The following SPG7 variants were observed in gnomAD, a reference collection of about 807,000 sequenced individuals.
SPG7 encodes mitochondrial inner membrane m-AAA protease component paraplegin.
In SPG7, 103 loss-of-function variants were observed where a neutral mutation model predicts 81.9. The observed-to-expected ratio is 1.26, with a 90% CI of 1.07 to 1.48. The LOEUF is 1.48. Ranked by LOEUF, SPG7 falls within the 40% of genes most tolerant of loss-of-function variation. The probability of loss-of-function intolerance (pLI) is 0.00; values close to 1 mark genes in which losing one functional copy is unlikely to be tolerated. For synonymous variants in SPG7, 534 were observed against 444.2 expected, an observed-to-expected ratio of 1.20 and a Z score of -2.54; for missense variants, 1,241 against 1,087.3, an observed-to-expected ratio of 1.14 and a Z score of -1.99.
rs2058700063 is a variant in SPG7, at chr16:89,557,537, T to A, written c.*444T>A. 1 of 211,686 alleles carries A rather than the reference T, an allele frequency of 4.7e-6. No homozygotes were observed. The highest frequency in any genetic ancestry group is 9.8e-6 in the Non-Finnish European group (1 of 102,352). The allele number at this position is 211,686 out of a possible 1,614,324, so 13.1% of individuals were successfully genotyped here. ...ATGAAAGGACCCTGTGAGCCGATTG[T>A]CCTATCTCCAGCGGCCCTGTCATCC... On this transcript the variant is annotated 3_prime_UTR_variant, in exon 17 of 17. Transcript: ENST00000645818.
intron 9 of SPG7, among the ~76,000 whole-genome samples, chr16:89,542,623 G>A (rs2058509692): frequency 6.6e-6 from 1 of 152,158 alleles, no homozygotes; most frequent in Non-Finnish European, 1.5e-5. Flanking sequence ...GGTGTGTCTT[G>A]GACTGAGCTG....
At chr16:89,532,432 C>G in intron 8 of SPG7, 31 bp from the exon 9 acceptor site, 2 of 1,612,452 alleles carry the variant, frequency 1.2e-6, no homozygotes, top group Admixed American at 1.7e-5. Flanking sequence ...TATTAACTGC[C>G]CATTTCCTGA....
intron 13 of SPG7, chr16:89,551,484 TC>T (rs1210926390): frequency 2.6e-5 from 4 of 152,816 alleles, no homozygotes; most frequent in African/African-American, 9.7e-5. Flanking sequence ...TCCGTGCTGC[TC>T]CTTGGCGATG....
At chr16:89,544,824 G>T (rs765441231) in intron 10 of SPG7, 52 bp downstream of exon 10, 3 of 1,604,400 alleles carry the variant, frequency 1.9e-6, no homozygotes, top group Non-Finnish European at 1.7e-6. Context: ...GCCCCCACTC[G>T]CTCTGAGTGG....
chr16:89,540,929 G>A (rs1461386430), intron 9 of SPG7: 1 of 985,364 alleles, frequency 1.0e-6, no homozygotes, highest in Admixed American at 6.1e-5. Flanking sequence ...TGAAACTGGT[G>A]TATCCTTATC....
At chr16:89,534,283 T>C (rs1377405055) in intron 9 of SPG7, among the ~76,000 whole-genome samples, 6 of 152,176 alleles carry the variant, frequency 3.9e-5, no homozygotes, top group Non-Finnish European at 7.4e-5. Flanking sequence ...CCGCCTTCTT[T>C]CAAGCACATA....
At chr16:89,556,849 C>A in intron 16 of SPG7, 38 bp from the exon 17 acceptor site, 1 of 1,504,860 alleles carries the variant, frequency 6.6e-7, no homozygotes, top group Non-Finnish European at 9.2e-7. Flanking sequence ...CTCTGTCTGC[C>A]CTGGGGACTC....
At chr16:89,550,259 G>A (rs901450510) in intron 12 of SPG7, 10 of 466,516 alleles carry the variant, frequency 2.1e-5, no homozygotes, top group African/African-American at 4.0e-5. Context: ...TGTAACCTCC[G>A]TCTCTCAGGT....
chr16:89,513,876 A>G (rs1388613792), intron 3 of SPG7, among the ~76,000 whole-genome samples: 1 of 152,226 alleles, frequency 6.6e-6, no homozygotes, highest in Non-Finnish European at 1.5e-5. Context: ...TTTTCAGGAA[A>G]GCTTTCAGGA....
intron 9 of SPG7, chr16:89,538,996 G>T (rs115074183): frequency 0.024 from 3,705 of 152,380 alleles, 154 homozygotes; most frequent in African/African-American, 0.085. Flanking sequence ...CAGGAGCTAA[G>T]GGGTGGGAGC....
chr16:89,524,793 A>C (rs1003574009), intron 4 of SPG7, among the ~76,000 whole-genome samples: 21 of 151,982 alleles, frequency 1.4e-4, no homozygotes, highest in Non-Finnish European at 2.1e-4. Context: ...ATGTGCTTGG[A>C]GCAATTTAAC....
intron 3 of SPG7, among the ~76,000 whole-genome samples, chr16:89,515,086 G>A (rs2058077941): frequency 6.7e-6 from 1 of 149,786 alleles, no homozygotes; most frequent in African/African-American, 2.5e-5. Context: ...ACAGGTGCCC[G>A]CCACCATACC....
Position 89,530,983 on chromosome 16 carries a change from C to T in SPG7, c.987+175C>T, listed in dbSNP as rs1343062828. On this transcript the variant is annotated intron_variant, in intron 7 of 16. Transcript: ENST00000645818. ...GTGCTGGTGCCTGTTCAACCAGCAG[C>T]ACAAGCCTCGTGCACATGGTTCAGC... 23 of 821,582 alleles carry T rather than the reference C, an allele frequency of 2.8e-5. No individual in the cohort carries two copies. The African/African-American group carries it at 3.5e-4, about 13-fold the overall frequency. 50.9% of individuals were successfully genotyped at this position (821,582 alleles called of 1,614,324 possible).
At chr16:89,540,781 C>T (rs2058484560) in intron 9 of SPG7, 8 of 541,330 alleles carry the variant, frequency 1.5e-5, no homozygotes, top group Non-Finnish European at 1.9e-5. Flanking sequence ...ACCACATGAC[C>T]CCGCATCCAC....
chr16:89,550,597 G>A lies in SPG7; in HGVS notation c.1767G>A (p.Glu589=). Residue 589 remains glutamate (E), a synonymous_variant, in exon 13 of 17, where the codon GAG becomes GAA. Coordinates refer to ENST00000645818, the MANE Select transcript of SPG7 (RefSeq NM_003119.4). Reference sequence around the variant, plus strand: ...TGGGCTGGATGCTGGAGCACACGGAGGCCGTGATGAAGGTGGGTCTTGGCA... The same window carrying A: ...TGGGCTGGATGCTGGAGCACACGGAAGCCGTGATGAAGGTGGGTCTTGGCA... ...ALVGWMLEHT[E]AVMKVSITPR... 1.2e-6 allele frequency: 2 copies of A among 1,613,100 alleles called. No individual in the cohort carries two copies. Among genetic ancestry groups the A allele is most frequent in the Non-Finnish European group, 1.7e-6 (2 of 1,179,436 alleles).
chr16:89,527,642 A>G (rs1462449108), intron 5 of SPG7, among the ~76,000 whole-genome samples: 1 of 152,226 alleles, frequency 6.6e-6, no homozygotes, highest in Non-Finnish European at 1.5e-5. Context: ...AGAGGGAAAC[A>G]GACCAGGTGG....
At chr16:89,537,665 T>G (rs1301237914) in intron 9 of SPG7, 1 of 968,584 alleles carries the variant, frequency 1.0e-6, no homozygotes, top group East Asian at 1.1e-4. Context: ...AAGGCTTGAG[T>G]CACCATGCCA....
intron 14 of SPG7, chr16:89,553,475 C>T (rs2058656992): frequency 1.9e-6 from 1 of 526,236 alleles, no homozygotes; most frequent in Non-Finnish European, 3.4e-6. Context: ...AGGAGGGTCC[C>T]GGGGGCCCCT....
chr16:89,527,420 CAAT>C (rs1486021075), intron 5 of SPG7: 1 of 152,220 alleles, frequency 6.6e-6, no homozygotes, highest in Non-Finnish European at 1.5e-5. Flanking sequence ...AGCCTTGTGA[CAAT>C]AACAACGTTC....
Sources: gnomAD v4.1 joint callset for allele counts (sites outside exome capture counted in the v4.1 genomes callset) on GRCh38, gnomAD v4.1.1 for gene constraint, MANE v1.5 for transcripts, NCBI Gene and HGNC (gene_info 2026-07-23, HGNC 2026-07-21) for gene names.